GALNTL6: variants seen among roughly 807,000 people sequenced by gnomAD.
GALNTL6 encodes the protein polypeptide N-acetylgalactosaminyltransferase like 6.
GALNTL6 carries 46 observed loss-of-function variants against 73.7 expected under a neutral mutation model. That is an observed-to-expected ratio of 0.62 (90% CI 0.49 to 0.80). GALNTL6 has a LOEUF of 0.80. Among genes scored for constraint, GALNTL6 ranks in the 30% least tolerant of loss-of-function variants. The pLI is 0.00. For missense variants in GALNTL6, 604 were observed against 755.0 expected (o/e 0.80, Z 2.34); for synonymous variants, 259 against 263.7 (o/e 0.98, Z 0.17).
At chr4:172,636,012 T>A (rs6855645) in intron 5 of GALNTL6, among the ~76,000 whole-genome samples, 2 of 151,940 alleles carry the variant, frequency 1.3e-5, no homozygotes, top group African/African-American at 4.8e-5. Flanking sequence ...ACTGTCTTCA[T>A]TGAGTATAAC....
intron 5 of GALNTL6, among the ~76,000 whole-genome samples, chr4:172,443,204 C>A (rs377191452): frequency 1.1e-4 from 15 of 132,178 alleles, no homozygotes; most frequent in African/African-American, 3.9e-4. Flanking sequence ...TCACTCTTGT[C>A]CCCCAGGCTG....
At chr4:172,609,757 A>G (rs76686756) in intron 5 of GALNTL6, among the ~76,000 whole-genome samples, 4,669 of 151,532 alleles carry the variant, frequency 0.031, 110 homozygotes, top group South Asian at 0.086. Context: ...GAATAATTTC[A>G]GTAGGAATTA....
chr4:172,340,276 T>G (rs558858622), intron 4 of GALNTL6, among the ~76,000 whole-genome samples: 1 of 152,356 alleles, frequency 6.6e-6, no homozygotes, highest in South Asian at 2.1e-4. Context: ...TTTATTTTGT[T>G]AATATAGTGC....
intron 8 of GALNTL6, among the ~76,000 whole-genome samples, chr4:172,917,524 T>C (rs1166759361): frequency 6.6e-6 from 1 of 152,102 alleles, no homozygotes. Flanking sequence ...ATATCCAGAA[T>C]CTGCAAAGAA....
chr4:172,459,570 T>C (rs947846529), intron 5 of GALNTL6, among the ~76,000 whole-genome samples: 9 of 151,940 alleles, frequency 5.9e-5, no homozygotes, highest in Admixed American at 5.9e-4. Flanking sequence ...ACATCAATGA[T>C]AGACAAACAG....
intron 4 of GALNTL6, among the ~76,000 whole-genome samples, chr4:172,346,818 A>C (rs1277164665): frequency 6.6e-6 from 1 of 152,124 alleles, no homozygotes; most frequent in Non-Finnish European, 1.5e-5. Context: ...ATTTGATAGT[A>C]ATTTGAGCTC....
intron 9 of GALNTL6, among the ~76,000 whole-genome samples, chr4:172,940,113 A>T (rs1748839704): frequency 6.6e-6 from 1 of 152,050 alleles, no homozygotes; most frequent in South Asian, 2.1e-4. Flanking sequence ...ATTTGCAAGT[A>T]TCATGAAAAA....
intron 5 of GALNTL6, among the ~76,000 whole-genome samples, chr4:172,624,289 T>A (rs76009797): frequency 0.032 from 4,814 of 152,142 alleles, 118 homozygotes; most frequent in South Asian, 0.091. Flanking sequence ...TTGTTTGTTT[T>A]TGTTTTAAAG....
At chr4:171,919,502 TCAAA>T (rs1390678984) in intron 2 of GALNTL6, among the ~76,000 whole-genome samples, 18 of 152,140 alleles carry the variant, frequency 1.2e-4, no homozygotes, top group Middle Eastern at 3.4e-3. Context: ...AGTTTGCATT[TCAAA>T]CAATTAGTCA....
chr4:172,775,884 C>T (rs1739045444), intron 5 of GALNTL6, among the ~76,000 whole-genome samples: 1 of 152,116 alleles, frequency 6.6e-6, no homozygotes, highest in South Asian at 2.1e-4. Flanking sequence ...CTTTTGGCAG[C>T]CTCTAGGAAC....
chr4:172,641,773 A>G (rs1739993883), intron 5 of GALNTL6, among the ~76,000 whole-genome samples: 1 of 152,056 alleles, frequency 6.6e-6, no homozygotes, highest in Non-Finnish European at 1.5e-5. Flanking sequence ...CTGTCTTCCA[A>G]AATAGGAATT....
chr4:172,163,839 AAAAC>A (rs1204659978), intron 2 of GALNTL6, among the ~76,000 whole-genome samples: 5 of 152,128 alleles, frequency 3.3e-5, no homozygotes, highest in African/African-American at 7.2e-5. Flanking sequence ...CACACACACA[AAAAC>A]AAACAGACAC....
chr4:172,881,143 T>G (rs996566339), intron 7 of GALNTL6, among the ~76,000 whole-genome samples: 7 of 152,200 alleles, frequency 4.6e-5, no homozygotes, highest in Admixed American at 3.9e-4. Context: ...AACCAACACT[T>G]GCAGAAGTAA....
In GALNTL6 at chr4:172,237,947, T is replaced by C. The variant is rs189042951; in HGVS notation, c.247+8183T>C. Among the ~76,000 whole-genome samples, 31 of 152,266 alleles carry C rather than the reference T, an allele frequency of 2.0e-4. No individual in the cohort carries two copies. The East Asian group carries it at 5.8e-3, about 28-fold the overall frequency. On this transcript the variant is annotated intron_variant, in intron 3 of 12. Coordinates refer to ENST00000506823, the MANE Select transcript of GALNTL6 (RefSeq NM_001034845.3). ...CTCTAGTCTGTTCCATTGGTCTATGTGTCTATTTTGTACTACTACCATGCT... is the reference window on the plus strand; with the variant it reads ...CTCTAGTCTGTTCCATTGGTCTATGCGTCTATTTTGTACTACTACCATGCT...
At chr4:172,862,726 A>AAAC (rs397712606) in intron 7 of GALNTL6, among the ~76,000 whole-genome samples, 1 of 151,228 alleles carries the variant, frequency 6.6e-6, no homozygotes, top group African/African-American at 2.4e-5. Flanking sequence ...GAAAGAAAAA[A>AAAC]CCCATTTTCT....
chr4:172,763,939 G>A (rs1738254988), intron 5 of GALNTL6, among the ~76,000 whole-genome samples: 2 of 147,778 alleles, frequency 1.4e-5, no homozygotes, highest in Admixed American at 6.9e-5. Flanking sequence ...TCAAAAAAGA[G>A]CAATTTCAAA....
intron 9 of GALNTL6, among the ~76,000 whole-genome samples, chr4:172,939,624 A>C (rs1748815574): frequency 6.6e-6 from 1 of 152,226 alleles, no homozygotes; most frequent in African/African-American, 2.4e-5. Flanking sequence ...AGCAAATAGC[A>C]TTGGGCCTTG....
intron 5 of GALNTL6, among the ~76,000 whole-genome samples, chr4:172,650,553 C>G (rs1560857115): frequency 1.3e-5 from 2 of 152,052 alleles, no homozygotes; most frequent in Non-Finnish European, 2.9e-5. Context: ...ACAGAGAATT[C>G]AAAGAACCAA....
chr4:172,569,616 A>G (rs1391520566), intron 5 of GALNTL6, among the ~76,000 whole-genome samples: 4 of 152,284 alleles, frequency 2.6e-5, no homozygotes, highest in Admixed American at 1.3e-4. Flanking sequence ...CTAGGCCTCA[A>G]TTACTTTTTA....
Sources: allele counts gnomAD v4.1 joint callset (sites outside exome capture counted in the v4.1 genomes callset), GRCh38; gene constraint gnomAD v4.1.1; transcripts MANE v1.5; gene names NCBI Gene and HGNC (gene_info 2026-07-23, HGNC 2026-07-21).